The following KCNJ6 variants were observed in gnomAD, a reference collection of about 807,000 sequenced individuals.
KCNJ6 encodes the protein potassium inwardly rectifying channel subfamily J member 6.
A neutral mutation model predicts 34.2 loss-of-function variants in KCNJ6; 9 were observed. That is an observed-to-expected ratio of 0.26 (90% CI 0.16 to 0.46). The LOEUF (loss-of-function observed/expected upper bound fraction) is 0.46. Among genes scored for constraint, KCNJ6 ranks in the 20% least tolerant of loss-of-function variants. KCNJ6 has a pLI of 1.00. For synonymous variants in KCNJ6, 196 were observed against 207.1 expected, an observed-to-expected ratio of 0.95 and a Z score of 0.46; for missense variants, 236 against 531.3, an observed-to-expected ratio of 0.44 and a Z score of 5.46.
intron 3 of KCNJ6, among the ~76,000 whole-genome samples, chr21:37,659,766 G>A (rs904412677): frequency 6.6e-5 from 10 of 152,184 alleles, no homozygotes; most frequent in South Asian, 2.1e-4. Flanking sequence ...TCTTTCTAAC[G>A]TTTGCTGCTT....
At chr21:37,792,840 G>A (rs2055223164) in intron 2 of KCNJ6, among the ~76,000 whole-genome samples, 1 of 152,200 alleles carries the variant, frequency 6.6e-6, no homozygotes. Flanking sequence ...CTTCATGAGA[G>A]TTAGTTGCTG....
intron 3 of KCNJ6, among the ~76,000 whole-genome samples, chr21:37,682,694 C>T (rs2054596042): frequency 6.6e-6 from 1 of 152,184 alleles, no homozygotes; most frequent in Non-Finnish European, 1.5e-5. Context: ...TTCATCGGTA[C>T]TGGGGCCTAG....
chr21:37,837,231 G>T lies in KCNJ6; in HGVS notation c.25+3427C>A, dbSNP rs116395523. On this transcript the variant is annotated intron_variant, in intron 2 of 3. Transcript: ENST00000609713. The stretch of plus-strand genomic sequence containing the variant: ...TCTTATCCTTATCATGCCCGTCCTC[G>T]TTTCAATAATGTGACGTAAAATATT... Among the ~76,000 whole-genome samples the T allele has an allele frequency of 2.7e-3, 406 of 151,212 alleles. 1 individual carries two copies. Among genetic ancestry groups the T allele is most frequent in the African/African-American group, 9.5e-3 (392 of 41,142 alleles).
At chr21:37,639,612 A>AG (rs2054372404) in intron 3 of KCNJ6, among the ~76,000 whole-genome samples, 1 of 152,206 alleles carries the variant, frequency 6.6e-6, no homozygotes, top group African/African-American at 2.4e-5. Flanking sequence ...TATTCAGAAA[A>AG]GTCTCATTCC....
intron 2 of KCNJ6, among the ~76,000 whole-genome samples, chr21:37,788,459 G>A (rs1263672660): frequency 1.3e-5 from 2 of 152,144 alleles, no homozygotes; most frequent in African/African-American, 4.8e-5. Flanking sequence ...CAATGTGCCT[G>A]TGAAAGATTG....
chr21:37,912,387 T>C (rs909360104), intron 1 of KCNJ6, among the ~76,000 whole-genome samples: 2 of 152,230 alleles, frequency 1.3e-5, no homozygotes, highest in Non-Finnish European at 2.9e-5. Context: ...GTAAAGATTA[T>C]TGACTGAACA....
At chr21:37,895,948 T>C (rs2055785493) in intron 1 of KCNJ6, among the ~76,000 whole-genome samples, 2 of 152,234 alleles carry the variant, frequency 1.3e-5, no homozygotes, top group Admixed American at 1.3e-4. Flanking sequence ...GTTCTTGGAC[T>C]GCTATAAAGA....
chr21:37,884,145 T>C (rs942619071), intron 1 of KCNJ6, among the ~76,000 whole-genome samples: 1 of 152,198 alleles, frequency 6.6e-6, no homozygotes, highest in Non-Finnish European at 1.5e-5. Context: ...GAACTGCATG[T>C]CAGGATTCTT....
Position 37,769,088 on chromosome 21 carries a change from G to T in KCNJ6, c.26-53957C>A, listed in dbSNP as rs142324202. Among the ~76,000 whole-genome samples the T allele has an allele frequency of 7.9e-5, 12 of 152,324 alleles. No individual in the cohort carries two copies. In the East Asian group the frequency reaches 2.3e-3, roughly 29 times the overall value. ...GAATTTTGGATAGAGACATTGTTCA[G>T]CTCTTCAGATGCTGCGCACGGGGTG... On this transcript the variant is annotated intron_variant, in intron 2 of 3. Transcript: ENST00000609713.
At chr21:37,661,614 G>GTTTTTTTTTGTT (rs2054488705) in intron 3 of KCNJ6, among the ~76,000 whole-genome samples, 1 of 71,172 alleles carries the variant, frequency 1.4e-5, no homozygotes, top group Non-Finnish European at 2.6e-5. Flanking sequence ...AAGAGACATA[G>GTTTTTTTTTGTT]TTTTTTTTTT....
intron 2 of KCNJ6, among the ~76,000 whole-genome samples, chr21:37,762,624 G>A (rs530203250): frequency 5.3e-5 from 8 of 152,324 alleles, no homozygotes; most frequent in African/African-American, 1.7e-4. Flanking sequence ...GCCCACAGCT[G>A]TGTGCCTCCT....
At chr21:37,806,459 C>A (rs543057458) in intron 2 of KCNJ6, among the ~76,000 whole-genome samples, 1 of 152,250 alleles carries the variant, frequency 6.6e-6, no homozygotes, top group East Asian at 1.9e-4. Flanking sequence ...CCTTGGATGT[C>A]CAAGGTCACG....
Position 37,834,282 on chromosome 21 carries a change from A to G in KCNJ6, c.25+6376T>C, listed in dbSNP as rs2055441030. ...TCTCCTATCTGCCCAGTCATCTGCTATCAATGCTTTGCTCTTCCGCCACCT... is the reference window on the plus strand; with the variant it reads ...TCTCCTATCTGCCCAGTCATCTGCTGTCAATGCTTTGCTCTTCCGCCACCT... On this transcript the variant is annotated intron_variant, in intron 2 of 3. Coordinates refer to ENST00000609713, the MANE Select transcript of KCNJ6 (RefSeq NM_002240.5). 2.0e-5 allele frequency among the ~76,000 whole-genome samples: 3 copies of G among 152,240 alleles called. No individual in the cohort carries two copies. The South Asian group carries it at 6.2e-4, about 31-fold the overall frequency.
chr21:37,913,998 G>A, intron 1 of KCNJ6, among the ~76,000 whole-genome samples: 1 of 139,586 alleles, frequency 7.2e-6, no homozygotes, highest in East Asian at 2.3e-4. Flanking sequence ...CCTCGTCAGA[G>A]GCGGATCGGG....
intron 3 of KCNJ6, among the ~76,000 whole-genome samples, chr21:37,693,568 C>T (rs2054650173): frequency 6.6e-6 from 1 of 152,090 alleles, no homozygotes; most frequent in South Asian, 2.1e-4. Flanking sequence ...GAACCTAGAT[C>T]CTCTCAGACG....
intron 3 of KCNJ6, among the ~76,000 whole-genome samples, chr21:37,668,678 G>A (rs2054528268): frequency 6.6e-6 from 1 of 152,160 alleles, no homozygotes; most frequent in African/African-American, 2.4e-5. Context: ...CCGCACCCGT[G>A]CTGGTTGGAG....
chr21:37,658,764 G>T (rs557695829), intron 3 of KCNJ6, among the ~76,000 whole-genome samples: 1 of 152,292 alleles, frequency 6.6e-6, no homozygotes, highest in East Asian at 1.9e-4. Context: ...CTTATTGCAG[G>T]TGAAGAAACA....
At chr21:37,810,580 C>T (rs905576405) in intron 2 of KCNJ6, among the ~76,000 whole-genome samples, 3 of 152,188 alleles carry the variant, frequency 2.0e-5, no homozygotes, top group African/African-American at 4.8e-5. Flanking sequence ...TTTAACAGGA[C>T]CATTTAAATA....
chr21:37,853,862 A>AT (rs1568872528), intron 1 of KCNJ6, among the ~76,000 whole-genome samples: 13 of 146,658 alleles, frequency 8.9e-5, no homozygotes, highest in African/African-American at 3.0e-4. Context: ...ATATATATAT[A>AT]AATTACATTG....
Sources: allele counts gnomAD v4.1 joint callset (sites outside exome capture counted in the v4.1 genomes callset), GRCh38; gene constraint gnomAD v4.1.1; transcripts MANE v1.5; gene names NCBI Gene and HGNC (gene_info 2026-07-23, HGNC 2026-07-21).